MGAT5: variants seen among roughly 807,000 people sequenced by gnomAD.
The protein encoded by MGAT5 is alpha-1,6-mannosylglycoprotein 6-beta-N-acetylglucosaminyltransferase A.
In MGAT5, 30 loss-of-function variants were observed where a neutral mutation model predicts 94.3. The observed-to-expected ratio is 0.32, with a 90% CI of 0.24 to 0.43. MGAT5 has a LOEUF of 0.43. Among genes scored for constraint, MGAT5 ranks in the 20% least tolerant of loss-of-function variants. The pLI is 1.00. For synonymous variants in MGAT5, 310 were observed against 322.9 expected (o/e 0.96, Z 0.43); for missense variants, 691 against 905.5 (o/e 0.76, Z 3.04).
rs146088774 is a variant in MGAT5 at position 134,392,122 on chromosome 2, C to G, written c.1381-10866C>G. On this transcript the variant is annotated intron_variant, in intron 10 of 15. Transcript: ENST00000281923. ...TAGAAAGTGAGAGATTTTCTGAAAC[C>G]ATTGATGAGTATGAGACCTCAGCTT... is the stretch of plus-strand genomic sequence containing the variant. 1.6e-4 allele frequency among the ~76,000 whole-genome samples: 24 copies of G among 152,294 alleles called. No individual in the cohort carries two copies. The East Asian group carries it at 4.3e-3, about 27-fold the overall frequency.
At chr2:134,354,708 T>G (rs1010192979) in intron 9 of MGAT5, among the ~76,000 whole-genome samples, 1 of 152,158 alleles carries the variant, frequency 6.6e-6, no homozygotes, top group Non-Finnish European at 1.5e-5. Context: ...AAACTATTCC[T>G]GACACCTTCC....
intron 9 of MGAT5, among the ~76,000 whole-genome samples, chr2:134,357,912 G>A (rs1373404660): frequency 6.6e-6 from 1 of 151,092 alleles, no homozygotes; most frequent in Non-Finnish European, 1.5e-5. Context: ...AAAATTTGAA[G>A]CATAACATTA....
At chr2:134,129,167 C>T (rs750465298) in intron 1 of MGAT5, among the ~76,000 whole-genome samples, 7 of 152,188 alleles carry the variant, frequency 4.6e-5, no homozygotes, top group Non-Finnish European at 7.4e-5. Flanking sequence ...AAGGGAGAAT[C>T]GGTCTCCTTG....
chr2:134,451,627 C>T lies in MGAT5; in HGVS notation c.*2780C>T, dbSNP rs1243795900. 1 of 152,232 alleles carries T rather than the reference C, an allele frequency of 6.6e-6. No individual in the cohort carries two copies. The highest frequency in any genetic ancestry group is 1.5e-5 in the Non-Finnish European group (1 of 68,042). The allele number at this position is 152,232 out of a possible 1,614,324, so 9.4% of individuals were successfully genotyped here. A position where few individuals can be genotyped will look rare whatever the true frequency, so the allele number is the denominator to read the frequency against. On this transcript the variant is annotated 3_prime_UTR_variant, in exon 16 of 16. Coordinates refer to ENST00000281923, the MANE Select transcript of MGAT5 (RefSeq NM_002410.5). Reference sequence around the variant, plus strand: ...TCCTAAACCGATTTATAGCTGATAACAGTTCCATGGGGAGAGAAATCCTAA... The same window carrying T: ...TCCTAAACCGATTTATAGCTGATAATAGTTCCATGGGGAGAGAAATCCTAA...
chr2:134,415,791 A>G (rs1029644640), intron 12 of MGAT5, among the ~76,000 whole-genome samples: 2 of 152,030 alleles, frequency 1.3e-5, no homozygotes, highest in African/African-American at 4.8e-5. Context: ...ATTCATTTTT[A>G]TAGATAGTGT....
At chr2:134,357,877 G>GA (rs33942316) in intron 9 of MGAT5, among the ~76,000 whole-genome samples, 133,251 of 147,734 alleles carry the variant, frequency 0.9, 60,318 homozygotes, top group East Asian at 0.99. Flanking sequence ...CCACCATTTG[G>GA]AAAAAAAAAA....
At chr2:134,415,614 C>CTTTAGTTTGATGCTTT (rs1279498428) in intron 12 of MGAT5, among the ~76,000 whole-genome samples, 2 of 152,124 alleles carry the variant, frequency 1.3e-5, no homozygotes, top group Admixed American at 1.3e-4. Flanking sequence ...TGCAGAAGCT[C>CTTTAGTTTGATGCTTT]TTTAGTTTGA....
At position 134,254,654 on chromosome 2, in the gene MGAT5, G is replaced by C. The variant is rs1163275928; in HGVS notation, c.241+10G>C. 6.2e-7 allele frequency: 1 copy of C among 1,613,938 alleles called. No individual in the cohort carries two copies. The highest frequency in any genetic ancestry group is 8.5e-7 in the Non-Finnish European group (1 of 1,179,966). ...GTCATGACAGCTTATGGTAAGCACTGTTTCTGGGACCTCTCCATTAAAGTG... is the reference window on the plus strand; with the variant it reads ...GTCATGACAGCTTATGGTAAGCACTCTTTCTGGGACCTCTCCATTAAAGTG... On this transcript the variant is annotated intron_variant, in intron 1 of 15. Transcript: ENST00000281923.
chr2:134,312,210 G>A (rs1014426151), intron 2 of MGAT5, among the ~76,000 whole-genome samples: 4 of 152,120 alleles, frequency 2.6e-5, no homozygotes, highest in Non-Finnish European at 4.4e-5. Flanking sequence ...CTCCAACCTA[G>A]GTGACAGAGC....
At chr2:134,226,551 A>C (rs1681073868) in intron 1 of MGAT5, among the ~76,000 whole-genome samples, 1 of 152,174 alleles carries the variant, frequency 6.6e-6, no homozygotes, top group Non-Finnish European at 1.5e-5. Context: ...ATAGTTATTT[A>C]CTAGCTAGGT....
rs1475814526 is a variant in MGAT5 at position 134,450,437 on chromosome 2, C to T, written c.*1590C>T. The T allele has an allele frequency of 1.3e-5, 2 of 152,236 alleles. No homozygotes were observed. The highest frequency in any genetic ancestry group is 6.5e-5 in the Admixed American group (1 of 15,290). 9.4% of individuals were successfully genotyped at this position (152,236 alleles called of 1,614,324 possible). Reference sequence around the variant, plus strand: ...CAGAATGTGAGGGAAAGGAAGAATTCCGCTTCATGGGGACTAGAGTTAGTG... The same window carrying T: ...CAGAATGTGAGGGAAAGGAAGAATTTCGCTTCATGGGGACTAGAGTTAGTG... On this transcript the variant is annotated 3_prime_UTR_variant, in exon 16 of 16. Coordinates refer to ENST00000281923, the MANE Select transcript of MGAT5 (RefSeq NM_002410.5).
intron 2 of MGAT5, among the ~76,000 whole-genome samples, chr2:134,292,305 G>A (rs1038146736): frequency 1.3e-5 from 2 of 152,094 alleles, no homozygotes; most frequent in Admixed American, 1.3e-4. Context: ...CTTTTACTCA[G>A]TGCTGACTCT....
At chr2:134,197,712 A>T (rs947338964) in intron 1 of MGAT5, among the ~76,000 whole-genome samples, 1 of 152,216 alleles carries the variant, frequency 6.6e-6, no homozygotes, top group Non-Finnish European at 1.5e-5. Context: ...TTTAAACAAG[A>T]CAGTTTAGTT....
intron 1 of MGAT5, among the ~76,000 whole-genome samples, chr2:134,127,470 A>G (rs906362760): frequency 1.3e-5 from 2 of 151,390 alleles, no homozygotes; most frequent in Non-Finnish European, 2.9e-5. Flanking sequence ...TCTTATGTCC[A>G]GTGAGCTCCT....
chr2:134,248,740 A>G (rs994738227), intron 1 of MGAT5, among the ~76,000 whole-genome samples: 17 of 152,190 alleles, frequency 1.1e-4, no homozygotes, highest in African/African-American at 2.7e-4. Flanking sequence ...GGGCTATTTG[A>G]AGAGACCAAA....
At chr2:134,201,148 C>T (rs1364401688) in intron 1 of MGAT5, among the ~76,000 whole-genome samples, 1 of 151,968 alleles carries the variant, frequency 6.6e-6, no homozygotes, top group Non-Finnish European at 1.5e-5. Context: ...ACTTCGGGGG[C>T]TATTTCCTAA....
At chr2:134,447,278 G>A (rs184368427) in intron 15 of MGAT5, among the ~76,000 whole-genome samples, 2 of 152,310 alleles carry the variant, frequency 1.3e-5, no homozygotes, top group East Asian at 3.9e-4. Flanking sequence ...TGGTTGGTGT[G>A]TAAATTCATA....
chr2:134,430,532 G>A (rs1684823601), intron 14 of MGAT5, among the ~76,000 whole-genome samples: 1 of 152,158 alleles, frequency 6.6e-6, no homozygotes, highest in Non-Finnish European at 1.5e-5. Context: ...GGAAGGAAGG[G>A]AGGAAGGGAG....
At chr2:134,207,201 C>T (rs563599484) in intron 1 of MGAT5, among the ~76,000 whole-genome samples, 13 of 152,230 alleles carry the variant, frequency 8.5e-5, no homozygotes, top group Admixed American at 4.6e-4. Flanking sequence ...TTCCCTCTTC[C>T]GCATTTAAGG....
Sources: gnomAD v4.1 joint callset for allele counts (sites outside exome capture counted in the v4.1 genomes callset) on GRCh38, gnomAD v4.1.1 for gene constraint, MANE v1.5 for transcripts, NCBI Gene and HGNC (gene_info 2026-07-23, HGNC 2026-07-21) for gene names.